Variants in STK3 observed in about 807,000 individuals in gnomAD.
STK3 encodes serine/threonine-protein kinase 3.
STK3 carries 41 observed loss-of-function variants against 58.0 expected under a neutral mutation model. That is an observed-to-expected ratio of 0.71 (90% CI 0.55 to 0.92). STK3 has a LOEUF of 0.92. STK3 is among the 40% of genes least tolerant of loss of function. STK3 has a pLI of 0.00. For missense variants in STK3, 479 were observed against 602.7 expected (o/e 0.79, Z 2.15); for synonymous variants, 170 against 191.0 (o/e 0.89, Z 0.91).
downstream of STK3, among the ~76,000 whole-genome samples, chr8:98,399,420 C>T (rs974929555): frequency 2.0e-5 from 3 of 152,190 alleles, no homozygotes; most frequent in African/African-American, 7.2e-5. Context: ...AGACACATTC[C>T]CGGTTGACGC....
At chr8:98,640,092 C>T (rs1346301098) in intron 6 of STK3, among the ~76,000 whole-genome samples, 1 of 152,134 alleles carries the variant, frequency 6.6e-6, no homozygotes, top group East Asian at 1.9e-4. Flanking sequence ...CTCACCCCAT[C>T]ACCCAGGCTG....
intron 6 of STK3, chr8:98,597,405 T>G: frequency 3.0e-6 from 3 of 985,070 alleles, no homozygotes; most frequent in Non-Finnish European, 3.6e-6. Flanking sequence ...TTTATATACC[T>G]CACGTCATGT....
intron 6 of STK3, among the ~76,000 whole-genome samples, chr8:98,599,944 G>A (rs2130035414): frequency 6.6e-6 from 1 of 152,054 alleles, no homozygotes; most frequent in East Asian, 1.9e-4. Context: ...CTACAGCCTG[G>A]GCAACAAGAG....
Position 98,884,675 on chromosome 8 carries a change from C to T in STK3, c.-78-841G>A, listed in dbSNP as rs564356893. Among the ~76,000 whole-genome samples the T allele has an allele frequency of 6.1e-4, 93 of 152,168 alleles. No individual in the cohort carries two copies. In the Middle Eastern group the frequency reaches 0.01, roughly 17 times the overall value. ...TTTGGGAAATAATCAGGTCATTATA[C>T]GATTTAATAACACCTCTCCTGTATA... On this transcript the variant is annotated intron_variant, in intron 1 of 1. Transcript: ENST00000519420.
At chr8:98,449,221 AACT>A (rs1819086993) in intron 1 of STK3, among the ~76,000 whole-genome samples, 1 of 152,150 alleles carries the variant, frequency 6.6e-6, no homozygotes, top group Non-Finnish European at 1.5e-5. Context: ...CCAGCAATTG[AACT>A]ACAACTCACC....
intron 3 of STK3, among the ~76,000 whole-genome samples, chr8:98,418,628 G>C (rs1294321304): frequency 6.6e-6 from 1 of 152,160 alleles, no homozygotes; most frequent in Non-Finnish European, 1.5e-5. Context: ...AGACAGCTGG[G>C]CATGATAAAG....
In STK3 at chr8:98,836,694, T is replaced by C. The variant is rs527675500; in HGVS notation, c.110+46953A>G. On this transcript the variant is annotated intron_variant, in intron 3 of 12. Transcript: ENST00000523601. The stretch of plus-strand genomic sequence containing the variant: ...GGACCTTGACTGAGACAGAGAGTAA[T>C]AGCAAAGAATCCCAGGCCCCACTAT... Among the ~76,000 whole-genome samples, 16 of 152,290 alleles carry C rather than the reference T, an allele frequency of 1.1e-4. No individual in the cohort carries two copies. The South Asian group carries it at 3.1e-3, about 30-fold the overall frequency.
intron 10 of STK3, among the ~76,000 whole-genome samples, chr8:98,495,564 T>C (rs1264764800): frequency 6.6e-6 from 1 of 152,204 alleles, no homozygotes; most frequent in Non-Finnish European, 1.5e-5. Flanking sequence ...TTTAATTACA[T>C]ACTTAATTCA....
intron 1 of STK3, among the ~76,000 whole-genome samples, chr8:98,900,300 C>T (rs1359872570): frequency 6.6e-6 from 1 of 152,178 alleles, no homozygotes; most frequent in Non-Finnish European, 1.5e-5. Flanking sequence ...AGGCTGGTCT[C>T]AAACTCCTGA....
At chr8:98,694,416 T>G (rs187563713) in intron 6 of STK3, among the ~76,000 whole-genome samples, 1 of 152,232 alleles carries the variant, frequency 6.6e-6, no homozygotes, top group East Asian at 1.9e-4. Flanking sequence ...TAGTTACATA[T>G]GTATACATGT....
At chr8:98,413,482 G>T in intron 3 of STK3, 1 of 608,982 alleles carries the variant, frequency 1.6e-6, no homozygotes, top group Non-Finnish European at 3.2e-6. Context: ...AGTGGCTTCA[G>T]AATGTGCCGA....
downstream of STK3, among the ~76,000 whole-genome samples, chr8:98,398,880 A>G (rs1000287198): frequency 2.0e-5 from 3 of 152,224 alleles, no homozygotes; most frequent in African/African-American, 7.2e-5. Flanking sequence ...CCACAGCGTT[A>G]AATCCCGTGA....
chr8:98,700,176 G>T (rs979929825), intron 6 of STK3, among the ~76,000 whole-genome samples: 2 of 152,208 alleles, frequency 1.3e-5, no homozygotes, highest in Non-Finnish European at 2.9e-5. Context: ...ATCCAAGTGC[G>T]GGATATAATC....
At chr8:98,512,047 T>C (rs1205767507) in intron 10 of STK3, among the ~76,000 whole-genome samples, 2 of 152,136 alleles carry the variant, frequency 1.3e-5, no homozygotes, top group Non-Finnish European at 2.9e-5. Context: ...TGTATACATG[T>C]GTCATGTTGG....
chr8:98,686,712 C>T (rs564389990), intron 6 of STK3, among the ~76,000 whole-genome samples: 76 of 152,108 alleles, frequency 5.0e-4, no homozygotes, highest in East Asian at 4.4e-3. Flanking sequence ...ATTTGAAAGA[C>T]GGCACAGTTA....
chr8:98,619,071 A>C (rs1436478991), intron 6 of STK3, among the ~76,000 whole-genome samples: 5 of 149,996 alleles, frequency 3.3e-5, no homozygotes, highest in South Asian at 2.1e-4. Flanking sequence ...ACTATACTAC[A>C]AGGCTACAGT....
At chr8:98,776,923 A>G (rs958025732) in intron 1 of STK3, among the ~76,000 whole-genome samples, 2 of 151,878 alleles carry the variant, frequency 1.3e-5, no homozygotes, top group African/African-American at 2.4e-5. Flanking sequence ...GGTGGCGGGT[A>G]CCTGTAGTCC....
At chr8:98,790,424 G>A (rs866311071) in intron 1 of STK3, among the ~76,000 whole-genome samples, 2 of 152,312 alleles carry the variant, frequency 1.3e-5, no homozygotes, top group Middle Eastern at 3.4e-3. Flanking sequence ...AAAATCACAT[G>A]ATCGTCTCAA....
At chr8:98,712,747 T>C (rs542133377) in intron 4 of STK3, among the ~76,000 whole-genome samples, 1 of 152,262 alleles carries the variant, frequency 6.6e-6, no homozygotes, top group East Asian at 1.9e-4. Flanking sequence ...TTAACAAGGA[T>C]ATCCAGGAAT....
Sources: allele counts gnomAD v4.1 joint callset (sites outside exome capture counted in the v4.1 genomes callset), GRCh38; gene constraint gnomAD v4.1.1; transcripts MANE v1.5; gene names NCBI Gene and HGNC (gene_info 2026-07-23, HGNC 2026-07-21).